Variants in IRF2 observed in about 807,000 individuals in gnomAD.
IRF2 encodes interferon regulatory factor 2.
A neutral mutation model predicts 40.6 loss-of-function variants in IRF2; 15 were observed. The ratio of observed to expected loss-of-function variants is 0.37; its 90% CI spans 0.25 to 0.57. The LOEUF (loss-of-function observed/expected upper bound fraction) is 0.57. Ranked by LOEUF, IRF2 falls within the 20% of genes least tolerant of loss-of-function variation. The pLI, the probability that IRF2 is intolerant of heterozygous loss-of-function variation, is 0.77. For synonymous variants in IRF2, 151 were observed against 165.5 expected, an observed-to-expected ratio of 0.91 and a Z score of 0.67; for missense variants, 317 against 455.7, an observed-to-expected ratio of 0.70 and a Z score of 2.77.
intron 6 of IRF2, 76 bp from the exon 7 acceptor site, chr4:184,399,155 T>TC: frequency 2.7e-6 from 4 of 1,465,096 alleles, no homozygotes; most frequent in Non-Finnish European, 3.6e-6. Context: ...GAAAGAGTCT[T>TC]CCCCAAAAGA....
intron 2 of IRF2, among the ~76,000 whole-genome samples, chr4:184,423,934 GTGA>G (rs1396777854): frequency 6.6e-6 from 1 of 152,204 alleles, no homozygotes; most frequent in African/African-American, 2.4e-5. Flanking sequence ...GAATGGAGCA[GTGA>G]TGATATTAAA....
chr4:184,471,930 T>G (rs1450088245), intron 1 of IRF2: 1 of 152,246 alleles, frequency 6.6e-6, no homozygotes, highest in African/African-American at 2.4e-5. Context: ...TCACTGAGAA[T>G]GAAATATGTA....
In IRF2 at chr4:184,408,069, C is replaced by T; in HGVS notation, c.529+89G>A. ...TGATTCCAAGACCTCCTCCCACTGACTATGTTATTTGAAGTTCTCTGTTTT... is the reference window on the plus strand; with the variant it reads ...TGATTCCAAGACCTCCTCCCACTGATTATGTTATTTGAAGTTCTCTGTTTT... On this transcript the variant is annotated intron_variant, in intron 6 of 8. Coordinates refer to ENST00000393593, the MANE Select transcript of IRF2 (RefSeq NM_002199.4). The surrounding 1 kb of genome is among the most constrained non-coding windows in gnomAD (Gnocchi z 4.9). 3 of 740,830 alleles carry T rather than the reference C, an allele frequency of 4.0e-6. No homozygotes were observed. Among genetic ancestry groups the T allele is most frequent in the South Asian group, 3.3e-5 (2 of 61,428 alleles). 45.9% of individuals were successfully genotyped at this position (740,830 alleles called of 1,614,324 possible).
chr4:184,441,393 T>A lies in IRF2; in HGVS notation c.-6-12323A>T, dbSNP rs78589606. On this transcript the variant is annotated intron_variant, in intron 1 of 8. Coordinates refer to ENST00000393593, the MANE Select transcript of IRF2 (RefSeq NM_002199.4). ...AACATCGTTTCCCGGCCGGTTCTAA[T>A]CTTTCCAAATCACAGTGAGTGGTCA... 5.4e-3 allele frequency among the ~76,000 whole-genome samples: 829 copies of A among 152,356 alleles called. 3 individuals are homozygous for A. Among genetic ancestry groups the A allele is most frequent in the Non-Finnish European group, 7.9e-3 (536 of 68,034 alleles).
intron 8 of IRF2, among the ~76,000 whole-genome samples, chr4:184,389,721 G>A (rs1736185221): frequency 6.6e-6 from 1 of 152,150 alleles, no homozygotes; most frequent in African/African-American, 2.4e-5. Context: ...CTGCGGCTCG[G>A]CCCGATTATT....
At chr4:184,403,298 T>G (rs1268250156) in intron 6 of IRF2, among the ~76,000 whole-genome samples, 13 of 152,254 alleles carry the variant, frequency 8.5e-5, no homozygotes, top group Non-Finnish European at 1.3e-4. Context: ...ACATGTGAAC[T>G]GATTTCCCTG....
chr4:184,460,762 A>C (rs2149917052), intron 1 of IRF2, among the ~76,000 whole-genome samples: 1 of 152,242 alleles, frequency 6.6e-6, no homozygotes, highest in East Asian at 1.9e-4. Context: ...AGTAAGGACC[A>C]GTTTCCCCTT....
At chr4:184,434,133 A>G (rs7655800) in intron 1 of IRF2, among the ~76,000 whole-genome samples, 20,071 of 152,252 alleles carry the variant, frequency 0.13, 1,510 homozygotes, top group East Asian at 0.22. Context: ...CAAGCCTCCC[A>G]CAGGCGCTAA....
intron 1 of IRF2, among the ~76,000 whole-genome samples, chr4:184,434,797 A>G (rs1323759277): frequency 6.6e-6 from 1 of 152,230 alleles, no homozygotes; most frequent in Admixed American, 6.5e-5. Flanking sequence ...AGTGAGGTTG[A>G]ATTTTCACCC....
Position 184,428,956 on chromosome 4 carries a change from ACACC to A in IRF2, c.87+18_87+21del. The A allele has an allele frequency of 6.3e-7, 1 of 1,599,826 alleles. No individual in the cohort carries two copies. ...TTCAGCCAGGACCTCTCTCACACAT[ACACC>A]CACCCTGACCCACTCACCTTGTTAA... is the stretch of plus-strand genomic sequence containing the variant. On this transcript the variant is annotated intron_variant, in intron 2 of 8. Transcript: ENST00000393593.
chr4:184,473,757 C>A (rs1321164950), intron 1 of IRF2, among the ~76,000 whole-genome samples: 2 of 150,246 alleles, frequency 1.3e-5, no homozygotes, highest in Admixed American at 1.3e-4. Flanking sequence ...TTCCTCTGGC[C>A]GTGGCTGGAG....
intron 1 of IRF2, among the ~76,000 whole-genome samples, chr4:184,441,098 C>T (rs529538544): frequency 6.6e-6 from 1 of 152,328 alleles, no homozygotes; most frequent in African/African-American, 2.4e-5. Context: ...AACTCACTGC[C>T]TCTAACAGTG....
intron 7 of IRF2, among the ~76,000 whole-genome samples, chr4:184,393,439 C>T (rs771704846): frequency 2.0e-4 from 31 of 152,174 alleles, no homozygotes; most frequent in African/African-American, 7.0e-4. Context: ...AACAAAGATA[C>T]GCAACCAAGC....
chr4:184,420,264 G>A (rs1737436093), intron 2 of IRF2, among the ~76,000 whole-genome samples: 1 of 152,182 alleles, frequency 6.6e-6, no homozygotes, highest in South Asian at 2.1e-4. Flanking sequence ...TTGGTAAATA[G>A]TAACTCCAGC....
Position 184,430,283 on chromosome 4 carries a change from T to A in IRF2, c.-6-1213A>T, listed in dbSNP as rs62339970. On this transcript the variant is annotated intron_variant, in intron 1 of 8. Transcript: ENST00000393593. ...CACCCTGGGCCTGTATGCCTCCTGC[T>A]GTCTGGCCCAGCCTTTTCCTTGTAT... Among the ~76,000 whole-genome samples the A allele has an allele frequency of 6.9e-3, 857 of 123,886 alleles. 9 individuals carry two copies. Among genetic ancestry groups the A allele is most frequent in the African/African-American group, 0.017 (607 of 35,638 alleles). 81.3% of individuals were successfully genotyped at this position (123,886 alleles called of 152,430 possible).
In IRF2 at chr4:184,413,580, A is replaced by G. The variant is rs989292917; in HGVS notation, c.411+4587T>C. Among the ~76,000 whole-genome samples, 2 of 152,240 alleles carry G rather than the reference A, an allele frequency of 1.3e-5. No homozygotes were observed. Among genetic ancestry groups the G allele is most frequent in the Non-Finnish European group, 2.9e-5 (2 of 68,034 alleles). On this transcript the variant is annotated intron_variant, in intron 5 of 8. Transcript: ENST00000393593. The surrounding 1 kb of genome is among the most constrained non-coding windows in gnomAD (Gnocchi z 4.2). Reference sequence around the variant, plus strand: ...GGTCACTGTTAGAGCCAACAGCTCTATGAGAAAGAGCAGCCGAACCCCTAT... The same window carrying G: ...GGTCACTGTTAGAGCCAACAGCTCTGTGAGAAAGAGCAGCCGAACCCCTAT...
At chr4:184,407,078 G>A (rs1386347795) in intron 6 of IRF2, 6 of 619,006 alleles carry the variant, frequency 9.7e-6, no homozygotes, top group Non-Finnish European at 1.6e-5. Context: ...ACACAACAGG[G>A]TTATAGAGCA....
chr4:184,422,056 G>A (rs555082775), intron 2 of IRF2, among the ~76,000 whole-genome samples: 155 of 151,760 alleles, frequency 1.0e-3, no homozygotes, highest in African/African-American at 3.6e-3. Context: ...ACAGCCTGTC[G>A]CCTGCACCAT....
intron 4 of IRF2, 81 bp downstream of exon 4, chr4:184,418,451 T>C: frequency 7.6e-7 from 1 of 1,311,700 alleles, no homozygotes; most frequent in Non-Finnish European, 1.1e-6. Context: ...GCAAACTGAC[T>C]GCAGATGTAG....
Sources: gnomAD v4.1 joint callset for allele counts (sites outside exome capture counted in the v4.1 genomes callset) on GRCh38, gnomAD v4.1.1 for gene constraint, Gnocchi (gnomAD v3.1) non-coding constraint, MANE v1.5 for transcripts, NCBI Gene and HGNC (gene_info 2026-07-23, HGNC 2026-07-21) for gene names.